DOCK1: variants seen among roughly 807,000 people sequenced by gnomAD.
DOCK1 encodes dedicator of cytokinesis 1.
Under a neutral mutation model 262.7 loss-of-function variants are expected in DOCK1, and 138 were observed. That is an observed-to-expected ratio of 0.53 (90% CI 0.46 to 0.61). The LOEUF (loss-of-function observed/expected upper bound fraction) is 0.61. DOCK1 is among the 20% of genes least tolerant of loss of function. The pLI is 0.00. For missense variants in DOCK1, 1,908 were observed against 2,370.7 expected (o/e 0.80, Z 4.05); for synonymous variants, 866 against 867.4 (o/e 1.00, Z 0.03).
At chr10:126,959,618 C>T (rs1196701691) in intron 1 of DOCK1, among the ~76,000 whole-genome samples, 1 of 152,194 alleles carries the variant, frequency 6.6e-6, no homozygotes, top group East Asian at 1.9e-4. Context: ...GCCAGCGTGA[C>T]CTCCTCAGTC....
intron 22 of DOCK1, among the ~76,000 whole-genome samples, chr10:127,055,384 G>A (rs1468718014): frequency 2.6e-5 from 4 of 152,192 alleles, no homozygotes; most frequent in African/African-American, 7.2e-5. Context: ...AGGAGAAACA[G>A]CTGTGCCAGC....
intron 1 of DOCK1, among the ~76,000 whole-genome samples, chr10:126,913,267 C>T (rs944463126): frequency 1.3e-5 from 2 of 151,994 alleles, no homozygotes; most frequent in African/African-American, 2.4e-5. Flanking sequence ...ATTCACACAT[C>T]CTGCTTGGAC....
chr10:127,124,955 T>C (rs868430754), intron 25 of DOCK1, among the ~76,000 whole-genome samples: 1 of 144,976 alleles, frequency 6.9e-6, no homozygotes, highest in Non-Finnish European at 1.5e-5. Flanking sequence ...CTACTAAAAA[T>C]AAAAAAAAAA....
intron 27 of DOCK1, among the ~76,000 whole-genome samples, chr10:127,188,782 C>T (rs755672945): frequency 2.0e-5 from 3 of 152,174 alleles, no homozygotes; most frequent in Admixed American, 1.3e-4. Flanking sequence ...AGCTAGGTAC[C>T]GTTCTGTGCT....
intron 21 of DOCK1, among the ~76,000 whole-genome samples, chr10:127,046,745 G>C (rs932074065): frequency 3.4e-5 from 4 of 118,538 alleles, no homozygotes; most frequent in Non-Finnish European, 6.5e-5. Flanking sequence ...TGGGCAGAGC[G>C]ACACTACGTC....
At chr10:126,986,581 A>G (rs1053097905) in intron 4 of DOCK1, among the ~76,000 whole-genome samples, 7 of 152,196 alleles carry the variant, frequency 4.6e-5, no homozygotes, top group African/African-American at 1.7e-4. Context: ...GGTTGATTTG[A>G]TGAAAACGAG....
At chr10:127,110,406 G>T in intron 25 of DOCK1, 52 bp downstream of exon 25, 1 of 1,511,182 alleles carries the variant, frequency 6.6e-7, no homozygotes, top group Non-Finnish European at 9.1e-7. Flanking sequence ...ATTTTCTGAA[G>T]ACATTGACCC....
chr10:127,088,236 C>T (rs1169236211), intron 23 of DOCK1, among the ~76,000 whole-genome samples: 7 of 152,176 alleles, frequency 4.6e-5, no homozygotes, highest in Admixed American at 2.6e-4. Flanking sequence ...TTGTCCTTTT[C>T]GCTTATTATT....
chr10:127,419,527 G>A (rs774699884), intron 45 of DOCK1, 139 bp from the exon 46 acceptor site: 10 of 759,306 alleles, frequency 1.3e-5, no homozygotes, highest in Non-Finnish European at 1.7e-5. Context: ...TGCGAAGGGT[G>A]TGACCCTGAG....
At chr10:127,299,142 A>G (rs1377728590) in intron 29 of DOCK1, among the ~76,000 whole-genome samples, 1 of 152,192 alleles carries the variant, frequency 6.6e-6, no homozygotes, top group Non-Finnish European at 1.5e-5. Context: ...TCTGTCACTC[A>G]GGCTGGAGTA....
Position 126,974,738 on chromosome 10 carries a change from A to G in DOCK1, c.131-3210A>G, listed in dbSNP as rs569501220. On this transcript the variant is annotated intron_variant, in intron 2 of 51. Coordinates refer to ENST00000623213, the MANE Select transcript of DOCK1 (RefSeq NM_001290223.2). Reference sequence around the variant, plus strand: ...TTGTGGTGTGACCCCTACTTGTCTTAGGGCACTTCCAGTTTCTGAGCTCAT... The same window carrying G: ...TTGTGGTGTGACCCCTACTTGTCTTGGGGCACTTCCAGTTTCTGAGCTCAT... Among the ~76,000 whole-genome samples, 5 of 152,124 alleles carry G rather than the reference A, an allele frequency of 3.3e-5. No homozygotes were observed. In the East Asian group the frequency reaches 7.8e-4, roughly 24 times the overall value.
At chr10:126,983,726 G>A (rs893879524) in intron 4 of DOCK1, among the ~76,000 whole-genome samples, 2 of 152,112 alleles carry the variant, frequency 1.3e-5, no homozygotes, top group South Asian at 4.1e-4. Flanking sequence ...TCTCGTGAAG[G>A]ATCTCTTTTG....
chr10:126,930,098 G>A (rs1428166458), intron 1 of DOCK1, among the ~76,000 whole-genome samples: 2 of 152,304 alleles, frequency 1.3e-5, no homozygotes, highest in East Asian at 3.9e-4. Flanking sequence ...CGTCCATTTA[G>A]CGTGCTTATC....
chr10:127,359,194 A>G (rs73384684), intron 32 of DOCK1, among the ~76,000 whole-genome samples: 2,337 of 151,826 alleles, frequency 0.015, 62 homozygotes, highest in African/African-American at 0.053. Context: ...ACTCCTGCTC[A>G]CCTTGGGGAC....
At chr10:127,018,526 G>T in intron 12 of DOCK1, 184 bp from the exon 13 acceptor site, 1 of 806,448 alleles carries the variant, frequency 1.2e-6, no homozygotes, top group Non-Finnish European at 1.9e-6. Context: ...CAGCTCGTTG[G>T]ATGCATGGAG....
chr10:127,183,376 T>A (rs1214071178), intron 27 of DOCK1, among the ~76,000 whole-genome samples: 1 of 152,182 alleles, frequency 6.6e-6, no homozygotes, highest in Non-Finnish European at 1.5e-5. Flanking sequence ...CCCTCTTGTA[T>A]TTTCATCGTA....
At chr10:127,240,438 G>A (rs2134685829) in intron 27 of DOCK1, among the ~76,000 whole-genome samples, 1 of 152,166 alleles carries the variant, frequency 6.6e-6, no homozygotes, top group South Asian at 2.1e-4. Context: ...ACCATGGGTT[G>A]TTTATATGGG....
intron 27 of DOCK1, among the ~76,000 whole-genome samples, chr10:127,246,040 A>G: frequency 6.6e-6 from 1 of 152,198 alleles, no homozygotes; most frequent in East Asian, 1.9e-4. Context: ...AATTGTGGGC[A>G]GAGTACTTCG....
intron 51 of DOCK1, among the ~76,000 whole-genome samples, chr10:127,448,806 T>TG (rs1348780381): frequency 6.6e-6 from 1 of 151,348 alleles, no homozygotes; most frequent in African/African-American, 2.4e-5. Flanking sequence ...GACATGGTTT[T>TG]TTTTTTTATT....
Sources: allele counts gnomAD v4.1 joint callset (sites outside exome capture counted in the v4.1 genomes callset), GRCh38; gene constraint gnomAD v4.1.1; transcripts MANE v1.5; gene names NCBI Gene and HGNC (gene_info 2026-07-23, HGNC 2026-07-21).